The following PLPPR1 variants were observed in gnomAD, a reference collection of about 807,000 sequenced individuals.
PLPPR1 encodes the protein phospholipid phosphatase-related protein type 1.
A neutral mutation model predicts 33.1 loss-of-function variants in PLPPR1; 10 were observed. The observed-to-expected ratio is 0.30, with a 90% CI of 0.19 to 0.51. The LOEUF (loss-of-function observed/expected upper bound fraction) is 0.51, where lower values mean the gene tolerates loss of function less well. PLPPR1 is among the 20% of genes least tolerant of loss of function. The pLI is 0.97. For missense variants in PLPPR1, 304 were observed against 408.1 expected, an observed-to-expected ratio of 0.74 and a Z score of 2.20; for synonymous variants, 151 against 151.0, an observed-to-expected ratio of 1.00 and a Z score of 0.00.
intron 6 of PLPPR1, 95 bp from the exon 7 acceptor site, chr9:101,317,270 G>A (rs1233027852): frequency 3.8e-6 from 5 of 1,320,494 alleles, no homozygotes; most frequent in African/African-American, 3.0e-5. Context: ...TCACTCTGGT[G>A]ATGATATTCA....
intron 1 of PLPPR1, among the ~76,000 whole-genome samples, chr9:101,033,093 C>A (rs1829965862): frequency 6.6e-6 from 1 of 152,166 alleles, no homozygotes; most frequent in Non-Finnish European, 1.5e-5. Flanking sequence ...AGGGCCAGAT[C>A]ATCTGTGTTC....
intron 4 of PLPPR1, among the ~76,000 whole-genome samples, chr9:101,308,294 G>GT (rs1433903920): frequency 6.6e-6 from 1 of 152,204 alleles, no homozygotes; most frequent in Non-Finnish European, 1.5e-5. Flanking sequence ...GAAGGCAGAA[G>GT]TTGGAATGAT....
intron 1 of PLPPR1, among the ~76,000 whole-genome samples, chr9:101,031,066 A>G (rs1252339898): frequency 6.6e-6 from 1 of 152,212 alleles, no homozygotes. Context: ...TTTTCAAATA[A>G]CTAGGGAAGT....
chr9:101,282,369 G>A (rs892158292), intron 3 of PLPPR1, among the ~76,000 whole-genome samples: 9 of 151,980 alleles, frequency 5.9e-5, no homozygotes, highest in African/African-American at 1.7e-4. Flanking sequence ...ATCCTTTTAC[G>A]ATTTAAAAAA....
chr9:101,100,023 G>C (rs1439793409), intron 1 of PLPPR1, among the ~76,000 whole-genome samples: 3 of 152,054 alleles, frequency 2.0e-5, no homozygotes, highest in Non-Finnish European at 4.4e-5. Context: ...AAAAAAATGT[G>C]GTGGCTGATT....
At chr9:101,157,392 G>A (rs1831710151) in intron 1 of PLPPR1, among the ~76,000 whole-genome samples, 2 of 152,150 alleles carry the variant, frequency 1.3e-5, no homozygotes, top group South Asian at 4.1e-4. Context: ...ATGAACTGTA[G>A]ACATCTATAA....
intron 2 of PLPPR1, among the ~76,000 whole-genome samples, chr9:101,252,302 C>T (rs1827726219): frequency 6.6e-6 from 1 of 152,132 alleles, no homozygotes; most frequent in African/African-American, 2.4e-5. Flanking sequence ...CAATGTGAAA[C>T]ACCTGTCAAG....
chr9:101,237,926 C>A (rs1192098149), intron 2 of PLPPR1, among the ~76,000 whole-genome samples: 8 of 102,226 alleles, frequency 7.8e-5, no homozygotes, highest in South Asian at 3.3e-4. Context: ...GAGAATAAGC[C>A]TATATATATA....
intron 1 of PLPPR1, among the ~76,000 whole-genome samples, chr9:101,140,064 T>TAA (rs1393845854): frequency 5.9e-5 from 9 of 152,138 alleles, no homozygotes; most frequent in Admixed American, 5.9e-4. Flanking sequence ...TGTGAATCTA[T>TAA]AACCTCCTCA....
chr9:101,070,966 A>G (rs1224789713), intron 1 of PLPPR1, among the ~76,000 whole-genome samples: 2 of 151,774 alleles, frequency 1.3e-5, no homozygotes, highest in Non-Finnish European at 2.9e-5. Context: ...TACTTTATCT[A>G]GAGTGGGATT....
At chr9:101,320,317 C>T (rs570659578) in intron 7 of PLPPR1, among the ~76,000 whole-genome samples, 46 of 152,292 alleles carry the variant, frequency 3.0e-4, no homozygotes, top group African/African-American at 1.1e-3. Context: ...GCCAAGTGTT[C>T]CCTCATGTCT....
chr9:101,206,666 T>A (rs1826593893), intron 2 of PLPPR1, among the ~76,000 whole-genome samples: 1 of 152,212 alleles, frequency 6.6e-6, no homozygotes, highest in Non-Finnish European at 1.5e-5. Context: ...CATGAAAAAT[T>A]GATTCAGCTC....
At chr9:101,092,092 A>C (rs1830748747) in intron 1 of PLPPR1, among the ~76,000 whole-genome samples, 1 of 152,088 alleles carries the variant, frequency 6.6e-6, no homozygotes, top group African/African-American at 2.4e-5. Context: ...ATCTTCCTCC[A>C]GCACAACATG....
chr9:101,279,975 A>T (rs1828267646), intron 3 of PLPPR1, among the ~76,000 whole-genome samples: 1 of 152,200 alleles, frequency 6.6e-6, no homozygotes. Context: ...AATAAATGAA[A>T]TTTATAAAAC....
intron 1 of PLPPR1, among the ~76,000 whole-genome samples, chr9:101,173,008 T>C (rs2118693417): frequency 1.3e-5 from 2 of 152,222 alleles, no homozygotes; most frequent in South Asian, 2.1e-4. Flanking sequence ...GCAAAATCCC[T>C]CCAGAGCTAT....
intron 4 of PLPPR1, among the ~76,000 whole-genome samples, chr9:101,295,511 A>G (rs1216525445): frequency 6.6e-6 from 1 of 152,178 alleles, no homozygotes; most frequent in Non-Finnish European, 1.5e-5. Context: ...CTAAGCCAAA[A>G]GAACAAAGCT....
intron 2 of PLPPR1, among the ~76,000 whole-genome samples, chr9:101,197,839 A>G (rs1458746078): frequency 6.6e-6 from 1 of 152,230 alleles, no homozygotes; most frequent in African/African-American, 2.4e-5. Context: ...GTCTTCTGCA[A>G]TTTGAAAACT....
chr9:101,180,689 CAGA>C (rs1255699504), intron 1 of PLPPR1, among the ~76,000 whole-genome samples: 2 of 151,554 alleles, frequency 1.3e-5, no homozygotes, highest in South Asian at 2.1e-4. Context: ...TCTACACAAG[CAGA>C]AGAACAAAAT....
At chr9:101,202,986 T>C (rs2118751257) in intron 2 of PLPPR1, among the ~76,000 whole-genome samples, 1 of 152,286 alleles carries the variant, frequency 6.6e-6, no homozygotes, top group South Asian at 2.1e-4. Context: ...CTCAATAAAC[T>C]CCTATTGCAC....
Sources: allele counts gnomAD v4.1 joint callset (sites outside exome capture counted in the v4.1 genomes callset), GRCh38; gene constraint gnomAD v4.1.1; transcripts MANE v1.5; gene names NCBI Gene and HGNC (gene_info 2026-07-23, HGNC 2026-07-21).